Variants in CRISPLD2 observed in about 807,000 individuals in gnomAD.
CRISPLD2 encodes cysteine rich secretory protein LCCL domain containing 2.
In CRISPLD2, 47 loss-of-function variants were observed where a neutral mutation model predicts 71.1. That is an observed-to-expected ratio of 0.66 (90% CI 0.52 to 0.84). The LOEUF is 0.84. Among genes scored for constraint, CRISPLD2 ranks in the 40% least tolerant of loss-of-function variants. CRISPLD2 has a pLI of 0.00. For missense variants in CRISPLD2, 830 were observed against 651.1 expected (o/e 1.27, Z -2.99); for synonymous variants, 317 against 250.1 (o/e 1.27, Z -2.52).
chr16:84,885,265 G>A (rs2071602585), intron 13 of CRISPLD2, among the ~76,000 whole-genome samples: 1 of 152,058 alleles, frequency 6.6e-6, no homozygotes, highest in African/African-American at 2.4e-5. Flanking sequence ...ACTCGCCCCC[G>A]CTCACGGCGA....
chr16:84,833,285 T>C (rs941053970), intron 1 of CRISPLD2, among the ~76,000 whole-genome samples: 3 of 152,118 alleles, frequency 2.0e-5, no homozygotes, highest in Non-Finnish European at 2.9e-5. Flanking sequence ...CCTCCCAGCC[T>C]CTGCTGTGTG....
rs887820341 is a variant in CRISPLD2, at chr16:84,907,473, C to G, written c.*831C>G. 3 of 152,258 alleles carry G rather than the reference C, an allele frequency of 2.0e-5. No individual in the cohort carries two copies. The highest frequency in any genetic ancestry group is 2.0e-4 in the Admixed American group (3 of 15,288). The allele number at this position is 152,258 out of a possible 1,614,324, so 9.4% of individuals were successfully genotyped here. The stretch of plus-strand genomic sequence containing the variant: ...CCCCCTACCCGTTGTGGCTCCCACC[C>G]TGCCTCGGACTGGTTTACGTGTCCT... On this transcript the variant is annotated 3_prime_UTR_variant, in exon 15 of 15. Coordinates refer to ENST00000262424, the MANE Select transcript of CRISPLD2 (RefSeq NM_031476.4).
chr16:84,883,551 A>G (rs1482545834), intron 13 of CRISPLD2, among the ~76,000 whole-genome samples: 3 of 152,160 alleles, frequency 2.0e-5, no homozygotes, highest in Non-Finnish European at 2.9e-5. Flanking sequence ...ACATATCAGA[A>G]TCCACCCCCG....
At chr16:84,876,921 T>C (rs1340968818) in intron 11 of CRISPLD2, among the ~76,000 whole-genome samples, 1 of 152,182 alleles carries the variant, frequency 6.6e-6, no homozygotes, top group Non-Finnish European at 1.5e-5. Context: ...CAAAATGACC[T>C]TGAAGATAAA....
chr16:84,886,999 T>G (rs1020298573), intron 13 of CRISPLD2, among the ~76,000 whole-genome samples: 1 of 152,166 alleles, frequency 6.6e-6, no homozygotes, highest in Admixed American at 6.5e-5. Context: ...CCCCTGTACT[T>G]CCTGTCTCCA....
chr16:84,894,751 G>C (rs2071691453), intron 14 of CRISPLD2, among the ~76,000 whole-genome samples: 1 of 151,958 alleles, frequency 6.6e-6, no homozygotes, highest in African/African-American at 2.4e-5. Context: ...ATTCTTTTTT[G>C]GGTATAAGGT....
rs113691154 is a variant in CRISPLD2 at position 84,855,445 on chromosome 16, G to A, written c.709+616G>A. Among the ~76,000 whole-genome samples the A allele has an allele frequency of 3.3e-3, 496 of 152,340 alleles. 3 individuals carry two copies. The highest frequency in any genetic ancestry group is 0.02 in the Middle Eastern group (6 of 294). ...AGGGCAGGAAGCATCCAGCACGGGA[G>A]AAAGATGGAGGCTGCTCCCAGTCTC... On this transcript the variant is annotated intron_variant, in intron 6 of 14. Coordinates refer to ENST00000262424, the MANE Select transcript of CRISPLD2 (RefSeq NM_031476.4).
At chr16:84,882,347 C>CAAAAAAAAAAAAAAAAAAAAAAAA (rs80146835) in intron 13 of CRISPLD2, among the ~76,000 whole-genome samples, 2 of 77,492 alleles carry the variant, frequency 2.6e-5, no homozygotes, top group Non-Finnish European at 5.1e-5. Flanking sequence ...ACCAATAAAG[C>CAAAAAAAAAAAAAAAAAAAAAAAA]AAAAAAAAAA....
chr16:84,885,886 A>G (rs1260550332), intron 13 of CRISPLD2, among the ~76,000 whole-genome samples: 1 of 136,746 alleles, frequency 7.3e-6, no homozygotes. Context: ...TGGTGCCATC[A>G]CAGCCCACTG....
At chr16:84,825,742 G>A (rs974918741) in intron 1 of CRISPLD2, among the ~76,000 whole-genome samples, 5 of 151,702 alleles carry the variant, frequency 3.3e-5, no homozygotes, top group South Asian at 4.1e-4. Context: ...GTGACAGAGC[G>A]AGACTCCATC....
chr16:84,821,230 C>T (rs1188476712), intron 1 of CRISPLD2, among the ~76,000 whole-genome samples: 1 of 152,182 alleles, frequency 6.6e-6, no homozygotes, highest in South Asian at 2.1e-4. Context: ...CAGAACAGGA[C>T]CGGGGCGTGG....
chr16:84,824,768 T>C (rs1326097896), intron 1 of CRISPLD2, among the ~76,000 whole-genome samples: 2 of 152,172 alleles, frequency 1.3e-5, no homozygotes, highest in East Asian at 3.8e-4. Context: ...CTTTTTAAAG[T>C]AAATTTCTTG....
chr16:84,868,942 T>C, intron 8 of CRISPLD2, 31 bp downstream of exon 8: 5 of 1,515,770 alleles, frequency 3.3e-6, no homozygotes, highest in Non-Finnish European at 4.5e-6. Context: ...CCTGCCACTG[T>C]AGCCTCTGAG....
At chr16:84,835,823 T>C (rs755440429) in intron 1 of CRISPLD2, among the ~76,000 whole-genome samples, 17 of 152,304 alleles carry the variant, frequency 1.1e-4, no homozygotes, top group Non-Finnish European at 2.4e-4. Flanking sequence ...CAGTCAGATC[T>C]CCTGGGATAG....
intron 14 of CRISPLD2, among the ~76,000 whole-genome samples, chr16:84,905,325 C>G (rs375444054): frequency 6.6e-6 from 1 of 152,140 alleles, no homozygotes; most frequent in South Asian, 2.1e-4. Context: ...TCTATAAAAT[C>G]TCTAAAAACC....
intron 6 of CRISPLD2, 98 bp from the exon 7 acceptor site, chr16:84,866,799 T>C (rs1167016531): frequency 8.4e-7 from 1 of 1,192,524 alleles, no homozygotes; most frequent in Non-Finnish European, 1.2e-6. Flanking sequence ...AAACCAAACC[T>C]CAAACACGTT....
At chr16:84,861,553 C>G (rs888140631) in intron 6 of CRISPLD2, among the ~76,000 whole-genome samples, 1 of 152,154 alleles carries the variant, frequency 6.6e-6, no homozygotes, top group Admixed American at 6.5e-5. Context: ...GCTTTATATC[C>G]TAGCTGCTAT....
intron 3 of CRISPLD2, among the ~76,000 whole-genome samples, chr16:84,848,435 C>G (rs1420113814): frequency 2.0e-5 from 3 of 149,488 alleles, no homozygotes; most frequent in Admixed American, 6.7e-5. Context: ...GGACTTGCCT[C>G]CAGTTTGGTT....
chr16:84,904,283 A>C (rs1420221194), intron 14 of CRISPLD2, among the ~76,000 whole-genome samples: 2 of 152,098 alleles, frequency 1.3e-5, no homozygotes, highest in Non-Finnish European at 2.9e-5. Flanking sequence ...ACAGACACAG[A>C]GATTAAGAGA....
Sources: gnomAD v4.1 joint callset for allele counts (sites outside exome capture counted in the v4.1 genomes callset) on GRCh38, gnomAD v4.1.1 for gene constraint, MANE v1.5 for transcripts, NCBI Gene and HGNC (gene_info 2026-07-23, HGNC 2026-07-21) for gene names.